PEBP4: variants seen among roughly 807,000 people sequenced by gnomAD.
PEBP4 encodes the protein phosphatidylethanolamine-binding protein 4.
PEBP4 carries 22 observed loss-of-function variants against 23.9 expected under a neutral mutation model. The ratio of observed to expected loss-of-function variants is 0.92; its 90% CI spans 0.66 to 1.31. The LOEUF (loss-of-function observed/expected upper bound fraction) is 1.31. Among genes scored for constraint, PEBP4 ranks in the 40% most tolerant of loss-of-function variants. The pLI, the probability that PEBP4 is intolerant of heterozygous loss-of-function variation, is 0.00. For synonymous variants in PEBP4, 112 were observed against 99.3 expected (o/e 1.13, Z -0.76); for missense variants, 324 against 281.7 (o/e 1.15, Z -1.07).
chr8:22,917,823 AC>A (rs1165666551), intron 3 of PEBP4, among the ~76,000 whole-genome samples: 1 of 152,114 alleles, frequency 6.6e-6, no homozygotes, highest in African/African-American at 2.4e-5. Flanking sequence ...TGGATGGAAA[AC>A]CCTATTTCCA....
chr8:22,732,174 C>T (rs551565029), intron 4 of PEBP4, among the ~76,000 whole-genome samples: 21 of 152,054 alleles, frequency 1.4e-4, no homozygotes, highest in Admixed American at 7.2e-4. Flanking sequence ...CTGGAGGGCC[C>T]GGGGAAGGCA....
At chr8:22,718,297 G>C (rs1054688142) in intron 6 of PEBP4, among the ~76,000 whole-genome samples, 2 of 152,194 alleles carry the variant, frequency 1.3e-5, no homozygotes, top group Non-Finnish European at 2.9e-5. Flanking sequence ...AGCTGGGGTT[G>C]GGGCAGGAAA....
chr8:22,897,413 A>G (rs1808610016), intron 3 of PEBP4, among the ~76,000 whole-genome samples: 1 of 152,192 alleles, frequency 6.6e-6, no homozygotes, highest in Admixed American at 6.5e-5. Flanking sequence ...CACTATGTGG[A>G]GTACTGAGGC....
In PEBP4 at chr8:22,762,108, A is replaced by G. The variant is rs150575510; in HGVS notation, c.358-34888T>C. ...TATTGTGCCAGAAAAAAAAATCACA[A>G]TTTAAATCGGCAAAAAAATGGGTGA... On this transcript the variant is annotated intron_variant, in intron 4 of 6. Coordinates refer to ENST00000256404, the MANE Select transcript of PEBP4 (RefSeq NM_144962.3). Among the ~76,000 whole-genome samples, 451 of 152,216 alleles carry G rather than the reference A, an allele frequency of 3.0e-3. 7 individuals carry two copies. Among genetic ancestry groups the G allele is most frequent in the Admixed American group, 0.021 (324 of 15,286 alleles).
chr8:22,719,806 TGGCTGGTGGAGA>T (rs1483738349), intron 6 of PEBP4, among the ~76,000 whole-genome samples: 18 of 152,072 alleles, frequency 1.2e-4, no homozygotes, highest in African/African-American at 3.6e-4. Flanking sequence ...AGGGGCAGGG[TGGCTGGTGGAGA>T]GGCTGGTGGA....
intron 2 of PEBP4, among the ~76,000 whole-genome samples, chr8:22,927,289 C>T (rs915510706): frequency 2.6e-5 from 4 of 152,228 alleles, no homozygotes; most frequent in Non-Finnish European, 5.9e-5. Context: ...GGGTCTCAGC[C>T]TCCTGCCCCC....
At chr8:22,896,243 G>T (rs1320975992) in intron 3 of PEBP4, 1 of 152,250 alleles carries the variant, frequency 6.6e-6, no homozygotes, top group Non-Finnish European at 1.5e-5. Flanking sequence ...ATCTGAACTA[G>T]AGAAATACAT....
At chr8:22,847,277 C>T (rs577203668) in intron 3 of PEBP4, among the ~76,000 whole-genome samples, 2 of 152,282 alleles carry the variant, frequency 1.3e-5, no homozygotes, top group South Asian at 4.1e-4. Flanking sequence ...CCCATCCTAC[C>T]CTGGCATACA....
At chr8:22,809,408 C>T (rs1230749309) in intron 4 of PEBP4, among the ~76,000 whole-genome samples, 3 of 152,126 alleles carry the variant, frequency 2.0e-5, no homozygotes, top group Non-Finnish European at 4.4e-5. Context: ...ACTGCTTACA[C>T]CAGCATCACC....
chr8:22,771,762 T>A (rs956452963), intron 4 of PEBP4, among the ~76,000 whole-genome samples: 7 of 152,244 alleles, frequency 4.6e-5, no homozygotes, highest in African/African-American at 1.4e-4. Context: ...TGGCAACACC[T>A]GGGCGTTACT....
rs1339002823 is a variant in PEBP4 at position 22,775,647 on chromosome 8, G to A, written c.357+41990C>T. On this transcript the variant is annotated intron_variant, in intron 4 of 6. Transcript: ENST00000256404. The surrounding 1 kb of genome is among the most constrained non-coding windows in gnomAD (Gnocchi z 4.8). Reference sequence around the variant, plus strand: ...GAGAGGGTTTGCTGGGAAGGAGGGGGACGGAGGCAGCGTCTCTGCGGCATA... The same window carrying A: ...GAGAGGGTTTGCTGGGAAGGAGGGGAACGGAGGCAGCGTCTCTGCGGCATA... Among the ~76,000 whole-genome samples, 1 of 152,126 alleles carries A rather than the reference G, an allele frequency of 6.6e-6. No homozygotes were observed. The highest frequency in any genetic ancestry group is 1.5e-5 in the Non-Finnish European group (1 of 68,010).
intron 3 of PEBP4, among the ~76,000 whole-genome samples, chr8:22,822,841 A>T (rs988716353): frequency 6.6e-6 from 1 of 152,062 alleles, no homozygotes; most frequent in Non-Finnish European, 1.5e-5. Context: ...TTTTAAATTG[A>T]AATAATCATT....
At chr8:22,754,511 G>A (rs1022271782) in intron 4 of PEBP4, among the ~76,000 whole-genome samples, 3 of 152,214 alleles carry the variant, frequency 2.0e-5, no homozygotes, top group African/African-American at 2.4e-5. Flanking sequence ...GTTAGAAGCT[G>A]GAGTAGATTT....
intron 4 of PEBP4, chr8:22,755,591 C>G (rs1368964755): frequency 6.6e-6 from 1 of 152,204 alleles, no homozygotes; most frequent in African/African-American, 2.4e-5. Context: ...CCACCTTGGC[C>G]TCCCAAAGTG....
chr8:22,774,705 A>T (rs961289786), intron 4 of PEBP4, among the ~76,000 whole-genome samples: 1 of 152,188 alleles, frequency 6.6e-6, no homozygotes, highest in African/African-American at 2.4e-5. Context: ...AGGTGCAGAC[A>T]GGGAGCCGCT....
intron 4 of PEBP4, among the ~76,000 whole-genome samples, chr8:22,760,891 T>C (rs1198590240): frequency 1.3e-5 from 2 of 152,210 alleles, no homozygotes; most frequent in Non-Finnish European, 2.9e-5. Flanking sequence ...TGAACGTGTC[T>C]CTGAGCCTTG....
At chr8:22,815,221 A>G (rs1806714426) in intron 4 of PEBP4, 1 of 152,196 alleles carries the variant, frequency 6.6e-6, no homozygotes, top group African/African-American at 2.4e-5. Flanking sequence ...GAGTGATGTT[A>G]AGAACGACCG....
chr8:22,748,127 A>G (rs1463782889), intron 4 of PEBP4, among the ~76,000 whole-genome samples: 1 of 152,202 alleles, frequency 6.6e-6, no homozygotes, highest in Non-Finnish European at 1.5e-5. Flanking sequence ...GGTGTGAGGA[A>G]GGGAGACCAA....
chr8:22,852,645 A>G (rs1418149777), intron 3 of PEBP4, among the ~76,000 whole-genome samples: 1 of 152,142 alleles, frequency 6.6e-6, no homozygotes, highest in Non-Finnish European at 1.5e-5. Flanking sequence ...TATGAATTAT[A>G]GTTCCTGGCC....
Sources: allele counts gnomAD v4.1 joint callset (sites outside exome capture counted in the v4.1 genomes callset), GRCh38; gene constraint gnomAD v4.1.1; non-coding constraint Gnocchi (gnomAD v3.1); transcripts MANE v1.5; gene names NCBI Gene and HGNC (gene_info 2026-07-23, HGNC 2026-07-21).